CCNI: variants seen among roughly 807,000 people sequenced by gnomAD.
The protein encoded by CCNI is cyclin I, also known as cyclin-I.
A neutral mutation model predicts 34.1 loss-of-function variants in CCNI; 14 were observed. The ratio of observed to expected loss-of-function variants is 0.41; its 90% CI spans 0.27 to 0.64. The LOEUF is 0.64. Among genes scored for constraint, CCNI ranks in the 30% least tolerant of loss-of-function variants. The pLI is 0.31. For missense variants in CCNI, 385 were observed against 440.5 expected (o/e 0.87, Z 1.13); for synonymous variants, 154 against 158.4 (o/e 0.97, Z 0.21).
At chr4:77,051,301 T>C (rs1437241988) in intron 6 of CCNI, among the ~76,000 whole-genome samples, 1 of 152,154 alleles carries the variant, frequency 6.6e-6, no homozygotes, top group African/African-American at 2.4e-5. Context: ...CCTAAAAAGG[T>C]AAAGGTACCA....
intron 1 of CCNI, among the ~76,000 whole-genome samples, chr4:77,072,452 C>CAAAAAAA (rs11327592): frequency 1.6e-5 from 1 of 62,244 alleles, no homozygotes; most frequent in Non-Finnish European, 3.0e-5. Context: ...CTGTCTCCAC[C>CAAAAAAA]AAAAAAAAAA....
chr4:77,055,897 T>C (rs766929169), intron 5 of CCNI, 65 bp downstream of exon 5: 39 of 1,325,762 alleles, frequency 2.9e-5, no homozygotes, highest in Non-Finnish European at 4.0e-5. Flanking sequence ...GTAGGCAATC[T>C]ATTTTTTAAT....
intron 1 of CCNI, 123 bp from the exon 2 acceptor site, chr4:77,066,528 C>CT (rs1486072329): frequency 2.1e-5 from 13 of 628,760 alleles, no homozygotes; most frequent in Non-Finnish European, 3.5e-5. Context: ...TTTTATAGCT[C>CT]TTTAAAATAT....
chr4:77,050,042 C>A lies in CCNI; in HGVS notation c.691-1380G>T, dbSNP rs184367268. 1.2e-3 allele frequency among the ~76,000 whole-genome samples: 189 copies of A among 152,296 alleles called. 1 individual carries two copies. The highest frequency in any genetic ancestry group is 4.5e-3 in the African/African-American group (185 of 41,570). On this transcript the variant is annotated intron_variant, in intron 6 of 6. Transcript: ENST00000237654. ...AAGAATCTCCATAATCTGATCTCAA[C>A]CTTCTTTTCTAGCCTTATTTCCTAG... is the stretch of plus-strand genomic sequence containing the variant.
At chr4:77,066,101 A>G (rs1222631366) in intron 2 of CCNI, 148 bp downstream of exon 2, 1 of 652,192 alleles carries the variant, frequency 1.5e-6, no homozygotes, top group Non-Finnish European at 2.6e-6. Flanking sequence ...ACCCTGTTAC[A>G]CAAAAAAGAA....
chr4:77,071,117 T>C (rs915620629), intron 1 of CCNI, among the ~76,000 whole-genome samples: 11 of 152,200 alleles, frequency 7.2e-5, no homozygotes, highest in Non-Finnish European at 1.6e-4. Flanking sequence ...GTTTAGATGG[T>C]ACAGAAAGAG....
At position 77,055,138 on chromosome 4, in the gene CCNI, AC is replaced by A. The variant is rs752700371; in HGVS notation, c.690+11del. ...CTTAAAAAGAACACTATTTAATTAG[AC>A]TGACACCTACCTGTGCTTTCTGAAG... On this transcript the variant is annotated intron_variant, in intron 6 of 6. Coordinates refer to ENST00000237654, the MANE Select transcript of CCNI (RefSeq NM_006835.3). 6.5e-7 allele frequency: 1 copy of A among 1,550,102 alleles called. No individual in the cohort carries two copies. Among genetic ancestry groups the A allele is most frequent in the Non-Finnish European group, 8.9e-7 (1 of 1,121,812 alleles).
In CCNI at chr4:77,048,672, GAAAA is replaced by G; in HGVS notation, c.691-14_691-11del. 4.1e-6 allele frequency: 5 copies of G among 1,215,164 alleles called. No homozygotes were observed. Among genetic ancestry groups the G allele is most frequent in the Non-Finnish European group, 5.5e-6 (5 of 905,930 alleles). 75.3% of individuals were successfully genotyped at this position (1,215,164 alleles called of 1,614,324 possible). A position where few individuals can be genotyped will look rare whatever the true frequency, so the allele number is the denominator to read the frequency against. On this transcript the variant is annotated splice_polypyrimidine_tract_variant and intron_variant, in intron 6 of 6. Transcript: ENST00000237654. Reference sequence around the variant, plus strand: ...ACTGGGAGCTATCCATCTGGGCCAGGAAAAAAAAAAAGCCACACACAGTTGATCA... The same window carrying G: ...ACTGGGAGCTATCCATCTGGGCCAGGAAAAAAAGCCACACACAGTTGATCA...
At chr4:77,060,450 G>C (rs780699290) in intron 2 of CCNI, among the ~76,000 whole-genome samples, 1 of 152,032 alleles carries the variant, frequency 6.6e-6, no homozygotes, top group African/African-American at 2.4e-5. Context: ...CAATATCTTT[G>C]AACTTTAATA....
At chr4:77,062,915 C>T (rs1728712380) in intron 2 of CCNI, among the ~76,000 whole-genome samples, 1 of 152,084 alleles carries the variant, frequency 6.6e-6, no homozygotes, top group African/African-American at 2.4e-5. Flanking sequence ...CAGTAAGGTA[C>T]CTGAATGAAT....
intron 1 of CCNI, among the ~76,000 whole-genome samples, chr4:77,068,290 T>C (rs527261096): frequency 6.6e-6 from 1 of 152,132 alleles, no homozygotes. Flanking sequence ...AAGAAAGTAA[T>C]GTATCACAAT....
At chr4:77,056,150 G>A (rs760651013) in intron 4 of CCNI, 48 bp from the exon 5 acceptor site, 1 of 1,604,350 alleles carries the variant, frequency 6.2e-7, no homozygotes, top group Non-Finnish European at 8.5e-7. Context: ...GGACAGAAAA[G>A]AAACTCATTT....
Position 77,071,613 on chromosome 4 carries a change from A to G in CCNI, c.-44+3859T>C, listed in dbSNP as rs558844009. Among the ~76,000 whole-genome samples, 112 of 152,348 alleles carry G rather than the reference A, an allele frequency of 7.4e-4. 1 individual carries two copies. Among genetic ancestry groups the G allele is most frequent in the African/African-American group, 2.7e-3 (112 of 41,588 alleles). Reference sequence around the variant, plus strand: ...AATGGACAAACCTTTAGCCAGCTAGACTGACCACGAAAATACAGAGGACAA... The same window carrying G: ...AATGGACAAACCTTTAGCCAGCTAGGCTGACCACGAAAATACAGAGGACAA... On this transcript the variant is annotated intron_variant, in intron 1 of 6. Transcript: ENST00000237654.
chr4:77,062,922 G>C (rs77046360), intron 2 of CCNI, among the ~76,000 whole-genome samples: 172 of 152,312 alleles, frequency 1.1e-3, no homozygotes, highest in African/African-American at 4.1e-3. Flanking sequence ...GTACCTGAAT[G>C]AATCATAAAG....
rs1278938333 is a variant in CCNI, at chr4:77,055,191, CAGGAATGAGTTTCTCCATTTCCAGACTA to C, written c.621_648del (p.Ser208IlefsTer20). ...AGTTCAATTGTAAGAGAAAGCCAAT[CAGGAATGAGTTTCTCCATTTCCAGACTA>C]ACCATGGCCAGAGCAAGCATGGATC... On this transcript the variant is annotated frameshift_variant, in exon 6 of 7. Transcript: ENST00000237654. LOFTEE classifies it high-confidence loss of function. 2 of 1,613,880 alleles carry C rather than the reference CAGGAATGAGTTTCTCCATTTCCAGACTA, an allele frequency of 1.2e-6. No homozygotes were observed. The highest frequency in any genetic ancestry group is 2.7e-5 in the African/African-American group (2 of 74,934).
chr4:77,070,244 T>C (rs1348454748), intron 1 of CCNI, among the ~76,000 whole-genome samples: 1 of 152,038 alleles, frequency 6.6e-6, no homozygotes, highest in East Asian at 1.9e-4. Flanking sequence ...CTTGAACTCC[T>C]GACCTCAAGT....
At chr4:77,049,304 T>A (rs765426422) in intron 6 of CCNI, among the ~76,000 whole-genome samples, 4 of 152,168 alleles carry the variant, frequency 2.6e-5, no homozygotes, top group Non-Finnish European at 5.9e-5. Flanking sequence ...CAGATATCAA[T>A]CCTTTCTGGA....
Position 77,063,559 on chromosome 4 carries a change from G to A in CCNI, c.114+2690C>T, listed in dbSNP as rs922270376. 2.2e-4 allele frequency among the ~76,000 whole-genome samples: 34 copies of A among 151,534 alleles called. 1 individual carries two copies. The highest frequency in any genetic ancestry group is 7.4e-5 in the Non-Finnish European group (5 of 67,672). On this transcript the variant is annotated intron_variant, in intron 2 of 6. Coordinates refer to ENST00000237654, the MANE Select transcript of CCNI (RefSeq NM_006835.3). The stretch of plus-strand genomic sequence containing the variant: ...CAAAAAATTAGCCGGGCGTTGTGGC[G>A]GGCGCCTGTAGTCCCAGCTAATGGG...
In CCNI at chr4:77,048,429, A is replaced by T. The variant is rs1727591543; in HGVS notation, c.924T>A (p.His308Gln). ...VPVRGTAAFYHHLPAASGCKQ... is the reference protein window; with the variant it reads ...VPVRGTAAFYQHLPAASGCKQ... ...TGCACCCACTGGCAGCTGGGAGATG[A>T]TGGTAAAAGGCTGCTGTACCTCTGA... The change falls in exon 7 of 7, where the codon CAT (histidine) becomes CAA (glutamine). Residue 308 changes from histidine (H) to glutamine (Q), a missense_variant. By Grantham distance (24) the His-to-Gln change is conservative. Coordinates refer to ENST00000237654, the MANE Select transcript of CCNI (RefSeq NM_006835.3). The T allele has an allele frequency of 6.2e-7, 1 of 1,614,028 alleles. No homozygotes were observed. The highest frequency in any genetic ancestry group is 1.3e-5 in the African/African-American group (1 of 74,972).
Sources: allele counts gnomAD v4.1 joint callset (sites outside exome capture counted in the v4.1 genomes callset), GRCh38; gene constraint gnomAD v4.1.1; transcripts MANE v1.5; gene names NCBI Gene and HGNC (gene_info 2026-07-23, HGNC 2026-07-21).